The following ADAMTS17 variants were observed in gnomAD, a reference collection of about 807,000 sequenced individuals.
ADAMTS17 encodes A disintegrin and metalloproteinase with thrombospondin motifs 17.
In ADAMTS17, 113 loss-of-function variants were observed where a neutral mutation model predicts 141.5. The observed-to-expected ratio is 0.80, with a 90% CI of 0.69 to 0.93. The LOEUF (loss-of-function observed/expected upper bound fraction) is 0.93, where lower values mean the gene tolerates loss of function less well. Among genes scored for constraint, ADAMTS17 ranks in the 40% least tolerant of loss-of-function variants. The pLI, the probability that ADAMTS17 is intolerant of heterozygous loss-of-function variation, is 0.00. For missense variants in ADAMTS17, 1,659 were observed against 1,517.9 expected (o/e 1.09, Z -1.54); for synonymous variants, 768 against 630.6 (o/e 1.22, Z -3.27).
At chr15:100,133,814 G>T (rs2038183255) in intron 10 of ADAMTS17, among the ~76,000 whole-genome samples, 3 of 152,258 alleles carry the variant, frequency 2.0e-5, no homozygotes. Flanking sequence ...AAAGGGCCAT[G>T]AAGGACTGGT....
chr15:100,069,545 T>C (rs894233559), intron 15 of ADAMTS17, among the ~76,000 whole-genome samples: 10 of 152,152 alleles, frequency 6.6e-5, no homozygotes, highest in African/African-American at 1.4e-4. Context: ...AGTGGATCTC[T>C]TGGCAGAAAC....
At chr15:100,281,161 C>G in intron 4 of ADAMTS17, 68 bp downstream of exon 4, 1 of 1,592,614 alleles carries the variant, frequency 6.3e-7, no homozygotes, top group Non-Finnish European at 8.5e-7. Context: ...GACACAGCAC[C>G]TGCTTCCAGA....
chr15:100,043,003 TGTAC>T (rs1392569568), intron 18 of ADAMTS17, among the ~76,000 whole-genome samples: 1 of 152,244 alleles, frequency 6.6e-6, no homozygotes, highest in Non-Finnish European at 1.5e-5. Context: ...TGTGTATGTA[TGTAC>T]GCACGGATCT....
At chr15:100,036,863 A>T (rs1473823889) in intron 18 of ADAMTS17, among the ~76,000 whole-genome samples, 1 of 151,836 alleles carries the variant, frequency 6.6e-6, no homozygotes, top group African/African-American at 2.4e-5. Flanking sequence ...GGCTTTTTCC[A>T]CCTAGCATGT....
chr15:99,995,179 G>A (rs1273751976), intron 19 of ADAMTS17, among the ~76,000 whole-genome samples: 1 of 152,194 alleles, frequency 6.6e-6, no homozygotes, highest in East Asian at 1.9e-4. Flanking sequence ...TTCTCTGTGT[G>A]GCAAGGTTTC....
chr15:100,074,130 C>T (rs1428593710), intron 15 of ADAMTS17: 1 of 153,068 alleles, frequency 6.5e-6, no homozygotes, highest in East Asian at 1.9e-4. Context: ...CCAGACCTGA[C>T]CTTGCTTAGC....
intron 15 of ADAMTS17, among the ~76,000 whole-genome samples, chr15:100,077,283 CA>C (rs71151934): frequency 0.01 from 553 of 54,526 alleles, no homozygotes; most frequent in African/African-American, 0.031. Flanking sequence ...ATCTCTACCA[CA>C]AAAAAAAAAA....
chr15:100,232,801 A>G (rs1200400685), intron 7 of ADAMTS17, among the ~76,000 whole-genome samples: 1 of 151,772 alleles, frequency 6.6e-6, no homozygotes, highest in East Asian at 1.9e-4. Context: ...TCACACTGAC[A>G]CCATGGAATT....
At chr15:100,024,218 G>A (rs530131707) in intron 18 of ADAMTS17, among the ~76,000 whole-genome samples, 206 of 152,172 alleles carry the variant, frequency 1.4e-3, no homozygotes, top group African/African-American at 4.3e-3. Context: ...TCGGCCTCCC[G>A]AATAGCTGGG....
At position 99,975,949 on chromosome 15, in the gene ADAMTS17, G is replaced by C. The variant is rs146526943; in HGVS notation, c.3127+96C>G. 9.6e-5 allele frequency: 131 copies of C among 1,362,486 alleles called. 2 individuals are homozygous for C. In the African/African-American group the frequency reaches 1.7e-3, roughly 18 times the overall value. 84.4% of individuals were successfully genotyped at this position (1,362,486 alleles called of 1,614,324 possible). A position where few individuals can be genotyped will look rare whatever the true frequency, so the allele number is the denominator to read the frequency against. On this transcript the variant is annotated intron_variant, in intron 21 of 21. Transcript: ENST00000268070. The stretch of plus-strand genomic sequence containing the variant: ...TATGTGACAAGTGAGGCCCAAGAAG[G>C]GGCTTTCTGGCTGAAAGAACCTCAC...
At chr15:100,119,296 C>T (rs1022090472) in intron 12 of ADAMTS17, among the ~76,000 whole-genome samples, 2 of 151,960 alleles carry the variant, frequency 1.3e-5, no homozygotes, top group Non-Finnish European at 2.9e-5. Context: ...AGGAACCGGA[C>T]GACACAAGGA....
intron 8 of ADAMTS17, among the ~76,000 whole-genome samples, chr15:100,197,996 G>C (rs1479393012): frequency 1.3e-5 from 2 of 152,154 alleles, no homozygotes; most frequent in Non-Finnish European, 2.9e-5. Flanking sequence ...GACACAGGGA[G>C]GGAATACCAC....
intron 8 of ADAMTS17, among the ~76,000 whole-genome samples, chr15:100,160,749 G>C (rs895155715): frequency 6.6e-6 from 1 of 152,144 alleles, no homozygotes; most frequent in African/African-American, 2.4e-5. Context: ...TGGGATTCTT[G>C]GGTTTCTGGA....
intron 6 of ADAMTS17, among the ~76,000 whole-genome samples, chr15:100,255,615 G>T (rs887926835): frequency 8.1e-5 from 2 of 24,710 alleles, no homozygotes; most frequent in African/African-American, 1.8e-4. Context: ...CGTGTTTTGA[G>T]CAACACACAC....
chr15:100,054,063 C>T lies in ADAMTS17; in HGVS notation c.2138-9G>A. 6.2e-7 allele frequency: 1 copy of T among 1,614,132 alleles called. No homozygotes were observed. The highest frequency in any genetic ancestry group is 8.5e-7 in the Non-Finnish European group (1 of 1,180,004). On this transcript the variant is annotated splice_polypyrimidine_tract_variant and intron_variant, in intron 15 of 21. Transcript: ENST00000268070. ...ACCCGAGTCTTTGAGAGCTAGAAAG[C>T]AAGTTGAAGACCAAAGAATCAAGGG...
chr15:100,242,998 G>A (rs2042873014), intron 7 of ADAMTS17, among the ~76,000 whole-genome samples: 1 of 152,144 alleles, frequency 6.6e-6, no homozygotes, highest in South Asian at 2.1e-4. Flanking sequence ...GCGTTCCTCA[G>A]CTCCTGGCAA....
chr15:100,218,924 C>T (rs1041204604), intron 7 of ADAMTS17, among the ~76,000 whole-genome samples: 2 of 150,346 alleles, frequency 1.3e-5, no homozygotes, highest in Non-Finnish European at 3.0e-5. Flanking sequence ...AACATGCACA[C>T]GTCCATCTAC....
intron 2 of ADAMTS17, among the ~76,000 whole-genome samples, chr15:100,332,971 A>G (rs2046100825): frequency 6.6e-6 from 1 of 152,072 alleles, no homozygotes; most frequent in South Asian, 2.1e-4. Flanking sequence ...CTCCTCCCTC[A>G]CTGTCTCACT....
chr15:100,079,166 CA>C (rs1336268721), intron 15 of ADAMTS17, among the ~76,000 whole-genome samples: 4 of 152,172 alleles, frequency 2.6e-5, no homozygotes, highest in African/African-American at 4.8e-5. Context: ...AAAAGTTAAA[CA>C]CAGAATTCTC....
Sources: gnomAD v4.1 joint callset for allele counts (sites outside exome capture counted in the v4.1 genomes callset) on GRCh38, gnomAD v4.1.1 for gene constraint, MANE v1.5 for transcripts, NCBI Gene and HGNC (gene_info 2026-07-23, HGNC 2026-07-21) for gene names.